The following ASXL3 variants were observed in gnomAD, a reference collection of about 807,000 sequenced individuals.
ASXL3 encodes ASXL transcriptional regulator 3.
Under a neutral mutation model 170.6 loss-of-function variants are expected in ASXL3, and 34 were observed. That is an observed-to-expected ratio of 0.20 (90% CI 0.15 to 0.27). The LOEUF is 0.27. Ranked by LOEUF, ASXL3 falls within the 10% of genes least tolerant of loss-of-function variation. The pLI is 1.00. For synonymous variants in ASXL3, 1,002 were observed against 989.1 expected, an observed-to-expected ratio of 1.01 and a Z score of -0.24; for missense variants, 2,592 against 2,695.3, an observed-to-expected ratio of 0.96 and a Z score of 0.85.
Position 33,728,990 on chromosome 18 carries a change from T to G in ASXL3, c.880-2978T>G, listed in dbSNP as rs142409424. ...GCATGAGTAAACTGAGGGGGAAACT[T>G]GGACCTGGAGGCCACTAACCTGGGG... On this transcript the variant is annotated intron_variant, in intron 8 of 11. Transcript: ENST00000269197. Among the ~76,000 whole-genome samples, 17 of 152,288 alleles carry G rather than the reference T, an allele frequency of 1.1e-4. No individual in the cohort carries two copies. In the East Asian group the frequency reaches 2.9e-3, roughly 26 times the overall value.
At chr18:33,702,384 T>C (rs1269419022) in intron 8 of ASXL3, among the ~76,000 whole-genome samples, 1 of 152,140 alleles carries the variant, frequency 6.6e-6, no homozygotes, top group Non-Finnish European at 1.5e-5. Context: ...TTGTTTTTAT[T>C]GTTGTCTTTT....
At chr18:33,737,459 C>G (rs1402789741) in intron 10 of ASXL3, among the ~76,000 whole-genome samples, 1 of 152,084 alleles carries the variant, frequency 6.6e-6, no homozygotes, top group African/African-American at 2.4e-5. Context: ...ATTTCTCTAC[C>G]ATCTGATGCT....
At chr18:33,661,515 G>T in intron 4 of ASXL3, 101 bp from the exon 5 acceptor site, 1 of 1,155,166 alleles carries the variant, frequency 8.7e-7, no homozygotes, top group Non-Finnish European at 1.2e-6. Context: ...CTTTATTTTA[G>T]GTATCCATTT....
In ASXL3 at chr18:33,650,698, C is replaced by T. The variant is rs75162913; in HGVS notation, c.355+4345C>T. Among the ~76,000 whole-genome samples the T allele has an allele frequency of 7.8e-3, 1,185 of 152,246 alleles. 21 individuals carry two copies. The highest frequency in any genetic ancestry group is 0.027 in the African/African-American group (1,137 of 41,562). On this transcript the variant is annotated intron_variant, in intron 4 of 11. Transcript: ENST00000269197. Reference sequence around the variant, plus strand: ...CTTCACCAAATAACACATACCCAAACATATCCAGCTAATGTGACAAAAATT... The same window carrying T: ...CTTCACCAAATAACACATACCCAAATATATCCAGCTAATGTGACAAAAATT...
At chr18:33,650,872 G>A (rs1330492773) in intron 4 of ASXL3, among the ~76,000 whole-genome samples, 1 of 152,080 alleles carries the variant, frequency 6.6e-6, no homozygotes, top group African/African-American at 2.4e-5. Context: ...CTCCATGTAG[G>A]CACCCTGTGC....
intron 2 of ASXL3, among the ~76,000 whole-genome samples, chr18:33,636,880 A>G (rs900687444): frequency 6.6e-6 from 1 of 152,146 alleles, no homozygotes; most frequent in Non-Finnish European, 1.5e-5. Flanking sequence ...AAAAGGTCCT[A>G]TGAGTGTTTC....
chr18:33,705,825 C>T (rs1337575159), intron 8 of ASXL3, among the ~76,000 whole-genome samples: 1 of 151,886 alleles, frequency 6.6e-6, no homozygotes, highest in Non-Finnish European at 1.5e-5. Flanking sequence ...AAAATGGTAG[C>T]ATATCCTTAT....
chr18:33,591,590 T>G (rs888177456), intron 1 of ASXL3, among the ~76,000 whole-genome samples: 4 of 152,116 alleles, frequency 2.6e-5, no homozygotes, highest in African/African-American at 9.6e-5. Context: ...GAAAAATGAA[T>G]GCATAAATCT....
chr18:33,680,177 A>G (rs991055293), intron 7 of ASXL3, among the ~76,000 whole-genome samples: 7 of 152,072 alleles, frequency 4.6e-5, no homozygotes, highest in South Asian at 2.1e-4. Context: ...CAAATACTTT[A>G]TAATTTCCGT....
At position 33,704,590 on chromosome 18, in the gene ASXL3, A is replaced by G. The variant is rs138309778; in HGVS notation, c.879+21022A>G. Among the ~76,000 whole-genome samples, 579 of 152,194 alleles carry G rather than the reference A, an allele frequency of 3.8e-3. 1 individual carries two copies. Among genetic ancestry groups the G allele is most frequent in the Non-Finnish European group, 6.7e-3 (453 of 67,938 alleles). ...GCCTGTGCTCAACATTTTATAATCT[A>G]GAAGCAGTCAGATATGCAAACTTAG... On this transcript the variant is annotated intron_variant, in intron 8 of 11. Coordinates refer to ENST00000269197, the MANE Select transcript of ASXL3 (RefSeq NM_030632.3).
chr18:33,683,671 T>C, intron 8 of ASXL3, 103 bp downstream of exon 8: 1 of 1,168,748 alleles, frequency 8.6e-7, no homozygotes, highest in Non-Finnish European at 1.2e-6. Flanking sequence ...TAGTAATTTC[T>C]GTAATTTATG....
At chr18:33,730,746 G>T (rs2067428843) in intron 8 of ASXL3, among the ~76,000 whole-genome samples, 1 of 152,156 alleles carries the variant, frequency 6.6e-6, no homozygotes, top group African/African-American at 2.4e-5. Flanking sequence ...TATTGCCAGT[G>T]AATTTCCAGC....
At chr18:33,673,182 C>G (rs2145259738) in intron 7 of ASXL3, among the ~76,000 whole-genome samples, 1 of 152,206 alleles carries the variant, frequency 6.6e-6, no homozygotes, top group East Asian at 1.9e-4. Flanking sequence ...TTATCATACA[C>G]TAAGGAATTT....
rs183902074 is a variant in ASXL3 at position 33,620,281 on chromosome 18, A to G, written c.137+12605A>G. On this transcript the variant is annotated intron_variant, in intron 2 of 11. Transcript: ENST00000269197. ...TCAGTTTGTAGCTTAATTTGTGTTC[A>G]TTGAAGATGACCTGATGGTAGCTAG... 2.6e-4 allele frequency among the ~76,000 whole-genome samples: 39 copies of G among 152,286 alleles called. No homozygotes were observed. In the East Asian group the frequency reaches 5.4e-3, roughly 21 times the overall value.
At chr18:33,583,252 A>G (rs7231493) in intron 1 of ASXL3, among the ~76,000 whole-genome samples, 6,546 of 152,260 alleles carry the variant, frequency 0.043, 357 homozygotes, top group African/African-American at 0.13. Context: ...ATAATCAGGT[A>G]TTCTTAAGAG....
At chr18:33,645,104 C>T in intron 3 of ASXL3, 102 bp downstream of exon 3, 1 of 621,864 alleles carries the variant, frequency 1.6e-6, no homozygotes, top group Non-Finnish European at 2.6e-6. Context: ...AGAATGACTC[C>T]TATGCCTTTA....
chr18:33,729,900 TC>T (rs955063141), intron 8 of ASXL3, among the ~76,000 whole-genome samples: 3 of 152,096 alleles, frequency 2.0e-5, no homozygotes, highest in African/African-American at 7.2e-5. Context: ...TCCCCAGCGT[TC>T]CCAACACCCT....
At chr18:33,722,320 T>C (rs1404682488) in intron 8 of ASXL3, among the ~76,000 whole-genome samples, 1 of 152,112 alleles carries the variant, frequency 6.6e-6, no homozygotes, top group East Asian at 1.9e-4. Context: ...GTTAGGCCTC[T>C]TGCACCAAAT....
chr18:33,699,157 AATGACTC>A (rs2066826951), intron 8 of ASXL3, among the ~76,000 whole-genome samples: 1 of 152,154 alleles, frequency 6.6e-6, no homozygotes, highest in East Asian at 1.9e-4. Context: ...AATAAGAAAG[AATGACTC>A]AAGAGTCTAG....
Sources: gnomAD v4.1 joint callset for allele counts (sites outside exome capture counted in the v4.1 genomes callset) on GRCh38, gnomAD v4.1.1 for gene constraint, MANE v1.5 for transcripts, NCBI Gene and HGNC (gene_info 2026-07-23, HGNC 2026-07-21) for gene names.